MYZAP: variants seen among roughly 807,000 people sequenced by gnomAD.
MYZAP encodes the protein myocardial zonula adherens protein.
Under a neutral mutation model 69.4 loss-of-function variants are expected in MYZAP, and 66 were observed. The ratio of observed to expected loss-of-function variants is 0.95; its 90% CI spans 0.78 to 1.17. The LOEUF (loss-of-function observed/expected upper bound fraction) is 1.17. Among genes scored for constraint, MYZAP ranks in the 50% most tolerant of loss-of-function variants. The probability of loss-of-function intolerance (pLI) is 0.00; values close to 1 mark genes in which losing one functional copy is unlikely to be tolerated. For synonymous variants in MYZAP, 256 were observed against 205.9 expected, an observed-to-expected ratio of 1.24 and a Z score of -2.09; for missense variants, 611 against 556.2, an observed-to-expected ratio of 1.10 and a Z score of -0.99.
chr15:57,618,587 C>A (rs1411030741), intron 3 of MYZAP, among the ~76,000 whole-genome samples: 1 of 152,142 alleles, frequency 6.6e-6, no homozygotes, highest in African/African-American at 2.4e-5. Flanking sequence ...GCTAGGAAGT[C>A]AACCACAATA....
intron 7 of MYZAP, among the ~76,000 whole-genome samples, chr15:57,633,389 GA>G (rs1188299324): frequency 2.6e-5 from 4 of 152,002 alleles, no homozygotes; most frequent in East Asian, 1.9e-4. Flanking sequence ...GGAAAAAAGG[GA>G]AAAAAATGTA....
intron 1 of MYZAP, among the ~76,000 whole-genome samples, chr15:57,595,275 G>A (rs116456985): frequency 6.6e-6 from 1 of 152,272 alleles, no homozygotes; most frequent in African/African-American, 2.4e-5. Context: ...ATGCCAACCA[G>A]CAGAAGTTGT....
At chr15:57,652,175 C>T (rs980301599) in intron 10 of MYZAP, among the ~76,000 whole-genome samples, 2 of 152,180 alleles carry the variant, frequency 1.3e-5, no homozygotes, top group African/African-American at 4.8e-5. Flanking sequence ...TCCCTCCATT[C>T]CTTCATTGAT....
intron 3 of MYZAP, among the ~76,000 whole-genome samples, chr15:57,621,297 G>A (rs1284921884): frequency 4.1e-5 from 6 of 146,376 alleles, no homozygotes; most frequent in Admixed American, 7.1e-5. Context: ...TGCAAGCTCC[G>A]CCTGCCGGAT....
intron 9 of MYZAP, among the ~76,000 whole-genome samples, chr15:57,639,220 T>TA (rs1427632785): frequency 6.6e-6 from 1 of 151,854 alleles, no homozygotes; most frequent in African/African-American, 2.4e-5. Context: ...ATTTATTTTT[T>TA]TTTTTTGTGG....
chr15:57,681,629 C>G (rs1199375479), intron 12 of MYZAP, among the ~76,000 whole-genome samples: 2 of 152,080 alleles, frequency 1.3e-5, no homozygotes, highest in Non-Finnish European at 2.9e-5. Flanking sequence ...ACTAAAAATA[C>G]AAAAATTAAC....
intron 1 of MYZAP, among the ~76,000 whole-genome samples, chr15:57,600,825 A>G (rs1348473879): frequency 6.6e-6 from 1 of 152,188 alleles, no homozygotes; most frequent in Non-Finnish European, 1.5e-5. Flanking sequence ...CTCATGCCTG[A>G]AATCCCAACA....
At chr15:57,672,815 C>T (rs185302745) in intron 11 of MYZAP, among the ~76,000 whole-genome samples, 18 of 152,266 alleles carry the variant, frequency 1.2e-4, no homozygotes, top group Admixed American at 1.2e-3. Flanking sequence ...ACTCTCTTTC[C>T]CTTGCCTAAC....
chr15:57,592,516 C>T (rs1347835037), intron 1 of MYZAP, among the ~76,000 whole-genome samples: 1 of 152,132 alleles, frequency 6.6e-6, no homozygotes, highest in Non-Finnish European at 1.5e-5. Flanking sequence ...TCACTTGTGT[C>T]CACTAGTGAT....
intron 10 of MYZAP, among the ~76,000 whole-genome samples, 200 bp from the exon 11 acceptor site, chr15:57,661,250 C>A (rs1172133486): frequency 2.0e-5 from 3 of 152,098 alleles, no homozygotes; most frequent in Admixed American, 6.6e-5. Flanking sequence ...GAGCGTCTCG[C>A]GTTAATACTG....
chr15:57,616,819 G>GGGTTTTTTTTTTTT, intron 2 of MYZAP, among the ~76,000 whole-genome samples: 1 of 63,728 alleles, frequency 1.6e-5, no homozygotes, highest in Non-Finnish European at 3.0e-5. Context: ...AAAAAAAAAA[G>GGGTTTTTTTTTTTT]TGCTTTTTTT....
rs2039046004 is a variant in MYZAP, at chr15:57,674,986, A to G, written c.1222A>G (p.Arg408Gly). The G allele has an allele frequency of 3.1e-6, 5 of 1,613,572 alleles. No homozygotes were observed. Among genetic ancestry groups the G allele is most frequent in the Non-Finnish European group, 2.5e-6 (3 of 1,179,586 alleles). The change falls in exon 12 of 13, where the codon AGG becomes GGG. Residue 408 changes from arginine to glycine, a missense_variant. Coordinates refer to ENST00000267853, the MANE Select transcript of MYZAP (RefSeq NM_001018100.5). Reference protein sequence around the residue: ...LEGENNELQSRLDYLTETQAK... With the variant: ...LEGENNELQSGLDYLTETQAK... ...TCTCCAGAATAATGAACTACAAAGC[A>G]GGTTGGACTATTTAACAGAAACCCA...
At chr15:57,605,660 C>A (rs148896034) in intron 2 of MYZAP, among the ~76,000 whole-genome samples, 31 of 152,178 alleles carry the variant, frequency 2.0e-4, no homozygotes, top group African/African-American at 6.7e-4. Flanking sequence ...GAAGTTCTGA[C>A]TAGAGAAAGG....
At chr15:57,683,764 G>A (rs2140684574) in intron 12 of MYZAP, among the ~76,000 whole-genome samples, 2 of 152,124 alleles carry the variant, frequency 1.3e-5, no homozygotes, top group South Asian at 4.1e-4. Context: ...TCCTCACATA[G>A]CAGAAGGGAT....
At chr15:57,638,331 A>C (rs2036937174) in intron 9 of MYZAP, among the ~76,000 whole-genome samples, 1 of 151,992 alleles carries the variant, frequency 6.6e-6, no homozygotes, top group African/African-American at 2.4e-5. Context: ...AAGTGACTTA[A>C]CCTCCCTGAG....
At chr15:57,677,895 TA>T (rs1339677988) in intron 12 of MYZAP, among the ~76,000 whole-genome samples, 1 of 152,056 alleles carries the variant, frequency 6.6e-6, no homozygotes, top group Non-Finnish European at 1.5e-5. Flanking sequence ...GAAGATTAAA[TA>T]AAAATGTGTA....
chr15:57,630,403 T>A lies in MYZAP; in HGVS notation c.678+549T>A, dbSNP rs73424704. On this transcript the variant is annotated intron_variant, in intron 6 of 12. Coordinates refer to ENST00000267853, the MANE Select transcript of MYZAP (RefSeq NM_001018100.5). Reference sequence around the variant, plus strand: ...AAGACGCTTGGGATGCCCACAGATCTGGGACGTCAGAAGCCTTGGAGATCT... The same window carrying A: ...AAGACGCTTGGGATGCCCACAGATCAGGGACGTCAGAAGCCTTGGAGATCT... 9.3e-3 allele frequency among the ~76,000 whole-genome samples: 1,423 copies of A among 152,344 alleles called. 27 individuals carry two copies. Among genetic ancestry groups the A allele is most frequent in the African/African-American group, 0.031 (1,308 of 41,576 alleles).
intron 12 of MYZAP, among the ~76,000 whole-genome samples, chr15:57,678,661 T>C (rs988975578): frequency 2.0e-5 from 3 of 152,190 alleles, no homozygotes; most frequent in South Asian, 2.1e-4. Context: ...GTCTAGACAC[T>C]GTGTAAAACT....
intron 2 of MYZAP, among the ~76,000 whole-genome samples, chr15:57,611,463 C>T (rs547827909): frequency 5.4e-4 from 82 of 152,134 alleles, no homozygotes; most frequent in African/African-American, 1.8e-3. Flanking sequence ...TTCCCTTTTC[C>T]GCGGGGGTTA....
Sources: gnomAD v4.1 joint callset for allele counts (sites outside exome capture counted in the v4.1 genomes callset) on GRCh38, gnomAD v4.1.1 for gene constraint, MANE v1.5 for transcripts, NCBI Gene and HGNC (gene_info 2026-07-23, HGNC 2026-07-21) for gene names.